The following PXDNL variants were observed in gnomAD, a reference collection of about 807,000 sequenced individuals.
PXDNL encodes the protein peroxidasin like.
PXDNL carries 145 observed loss-of-function variants against 150.8 expected under a neutral mutation model. That is an observed-to-expected ratio of 0.96 (90% CI 0.84 to 1.10). The LOEUF (loss-of-function observed/expected upper bound fraction) is 1.10, where lower values mean the gene tolerates loss of function less well. PXDNL is among the 50% of genes least tolerant of loss of function. The pLI is 0.00. For missense variants in PXDNL, 2,087 were observed against 1,873.9 expected, an observed-to-expected ratio of 1.11 and a Z score of -2.10; for synonymous variants, 757 against 725.7, an observed-to-expected ratio of 1.04 and a Z score of -0.69.
chr8:51,469,553 C>T (rs192704477), intron 8 of PXDNL, among the ~76,000 whole-genome samples: 1 of 152,094 alleles, frequency 6.6e-6, no homozygotes, highest in East Asian at 1.9e-4. Flanking sequence ...CCATTTCTAC[C>T]TCTGGTTGTG....
At chr8:51,776,387 G>A (rs754024294) in intron 1 of PXDNL, among the ~76,000 whole-genome samples, 3 of 152,168 alleles carry the variant, frequency 2.0e-5, no homozygotes, top group East Asian at 1.9e-4. Context: ...AGAACCTGCC[G>A]ACATGTGATG....
At chr8:51,521,058 A>G (rs1289849145) in intron 4 of PXDNL, among the ~76,000 whole-genome samples, 1 of 152,080 alleles carries the variant, frequency 6.6e-6, no homozygotes, top group Non-Finnish European at 1.5e-5. Context: ...CAGAGCACAT[A>G]GCATGACCCC....
intron 4 of PXDNL, among the ~76,000 whole-genome samples, chr8:51,545,948 T>TAAAGTCC (rs58513873): frequency 0.027 from 4,108 of 152,286 alleles, 100 homozygotes; most frequent in African/African-American, 0.064. Flanking sequence ...CTGAAAAGTC[T>TAAAGTCC]AAAGTCTCAT....
At chr8:51,504,087 A>C (rs1252664365) in intron 4 of PXDNL, among the ~76,000 whole-genome samples, 1 of 152,036 alleles carries the variant, frequency 6.6e-6, no homozygotes, top group Admixed American at 6.6e-5. Flanking sequence ...ATCTTACCCA[A>C]TTCTGCGTTT....
chr8:51,320,228 A>G (rs1444323856), intron 22 of PXDNL, among the ~76,000 whole-genome samples: 1 of 152,296 alleles, frequency 6.6e-6, no homozygotes, highest in Non-Finnish European at 1.5e-5. Context: ...AGCCTGCCCT[A>G]TAAAATGTTA....
chr8:51,422,427 T>C (rs1808980047), intron 14 of PXDNL, among the ~76,000 whole-genome samples: 2 of 152,092 alleles, frequency 1.3e-5, no homozygotes, highest in South Asian at 2.1e-4. Context: ...TTTCAGAATA[T>C]GTAAGTGGAA....
At chr8:51,406,501 C>G (rs993417183) in intron 17 of PXDNL, among the ~76,000 whole-genome samples, 1 of 152,166 alleles carries the variant, frequency 6.6e-6, no homozygotes, top group Admixed American at 6.5e-5. Flanking sequence ...ATCAGATTCC[C>G]TTGCATGGCA....
intron 1 of PXDNL, among the ~76,000 whole-genome samples, chr8:51,735,066 G>T (rs946518462): frequency 3.9e-5 from 6 of 152,168 alleles, no homozygotes; most frequent in African/African-American, 1.4e-4. Flanking sequence ...TCACAAAAAA[G>T]ATAAGTATGT....
intron 4 of PXDNL, among the ~76,000 whole-genome samples, chr8:51,553,990 T>C (rs1180458407): frequency 6.6e-6 from 1 of 152,180 alleles, no homozygotes; most frequent in Non-Finnish European, 1.5e-5. Context: ...ACTTCAAAGA[T>C]GTATTGTGAG....
At chr8:51,648,489 G>C (rs985233619) in intron 2 of PXDNL, among the ~76,000 whole-genome samples, 1 of 152,308 alleles carries the variant, frequency 6.6e-6, no homozygotes, top group African/African-American at 2.4e-5. Flanking sequence ...TGCTAAAAGA[G>C]GCAAGGAGAA....
chr8:51,700,168 TAC>T (rs58406482), intron 1 of PXDNL, among the ~76,000 whole-genome samples: 5,543 of 139,820 alleles, frequency 0.04, 290 homozygotes, highest in African/African-American at 0.14. Context: ...TATGCCTGCA[TAC>T]ACACACACAC....
intron 17 of PXDNL, among the ~76,000 whole-genome samples, chr8:51,377,576 C>T (rs558388567): frequency 2.0e-3 from 300 of 152,348 alleles, no homozygotes; most frequent in South Asian, 4.8e-3. Flanking sequence ...GCGCGAGTTC[C>T]GGGTGGGCGT....
rs187272733 is a variant in PXDNL, at chr8:51,621,290, G to A, written c.237-28592C>T. ...ATAGTAATACACAAACATGTATTCT[G>A]TATAATATAAATAGAATGATAACAA... On this transcript the variant is annotated intron_variant, in intron 2 of 22. Coordinates refer to ENST00000356297, the MANE Select transcript of PXDNL (RefSeq NM_144651.5). Among the ~76,000 whole-genome samples the A allele has an allele frequency of 3.9e-5, 6 of 152,224 alleles. No homozygotes were observed. In the East Asian group the frequency reaches 1.2e-3, roughly 29 times the overall value.
chr8:51,803,958 A>G (rs1340599743), intron 1 of PXDNL, among the ~76,000 whole-genome samples: 1 of 152,212 alleles, frequency 6.6e-6, no homozygotes, highest in Non-Finnish European at 1.5e-5. Context: ...AAATTCAACA[A>G]TGTATGAACC....
At chr8:51,347,132 C>A (rs889407754) in intron 19 of PXDNL, among the ~76,000 whole-genome samples, 3 of 152,064 alleles carry the variant, frequency 2.0e-5, no homozygotes, top group Admixed American at 2.0e-4. Context: ...ACCATGCAAT[C>A]GAATTTAACA....
chr8:51,385,981 A>T (rs752821022), intron 17 of PXDNL, among the ~76,000 whole-genome samples: 5 of 152,230 alleles, frequency 3.3e-5, no homozygotes, highest in Non-Finnish European at 7.3e-5. Context: ...TTTATCAAGC[A>T]GCATGAAAAT....
intron 12 of PXDNL, 99 bp from the exon 13 acceptor site, chr8:51,426,857 T>C (rs1219432779): frequency 1.5e-6 from 1 of 655,354 alleles, no homozygotes; most frequent in African/African-American, 1.8e-5. Flanking sequence ...CCATATTGGT[T>C]AAGCACACTA....
chr8:51,429,301 C>T (rs1319306209), intron 12 of PXDNL, among the ~76,000 whole-genome samples: 4 of 152,144 alleles, frequency 2.6e-5, no homozygotes, highest in Admixed American at 1.3e-4. Flanking sequence ...AACATGTGGC[C>T]GGGTGCAGTG....
chr8:51,547,416 C>A (rs1232754062), intron 4 of PXDNL, among the ~76,000 whole-genome samples: 1 of 152,146 alleles, frequency 6.6e-6, no homozygotes, highest in Non-Finnish European at 1.5e-5. Context: ...AAAACTCCAA[C>A]AATGGACTCC....
Sources: allele counts gnomAD v4.1 joint callset (sites outside exome capture counted in the v4.1 genomes callset), GRCh38; gene constraint gnomAD v4.1.1; transcripts MANE v1.5; gene names NCBI Gene and HGNC (gene_info 2026-07-23, HGNC 2026-07-21).